The following PCA3 variants were observed in gnomAD, a reference collection of about 807,000 sequenced individuals.
PCA3 encodes Differential Display code 3.
intron 2 of PCA3, among the ~76,000 whole-genome samples, chr9:76,781,435 G>C (rs1320511202): frequency 6.6e-6 from 1 of 152,154 alleles, no homozygotes; most frequent in Non-Finnish European, 1.5e-5. Flanking sequence ...TCCCACTTCA[G>C]AGCCTTTGCA....
Position 76,777,012 on chromosome 9 carries a change from T to G in PCA3, n.853-31571T>G, listed in dbSNP as rs143661609. Among the ~76,000 whole-genome samples the G allele has an allele frequency of 3.2e-3, 485 of 151,702 alleles. 1 individual carries two copies. Among genetic ancestry groups the G allele is most frequent in the South Asian group, 5.8e-3 (28 of 4,800 alleles). The stretch of plus-strand genomic sequence containing the variant: ...CACTCCTAAACTGTTCCTCTTGGGT[T>G]GGGTTCCCACATCTGCCACTGCACC... On this transcript the variant is annotated intron_variant and non_coding_transcript_variant, in intron 2 of 5. Transcript: ENST00000644657.
rs145180066 is a variant in PCA3 at position 76,780,199 on chromosome 9, G to A, written n.853-28384G>A. Among the ~76,000 whole-genome samples the A allele has an allele frequency of 3.2e-3, 493 of 152,218 alleles. 5 individuals are homozygous for A. Among genetic ancestry groups the A allele is most frequent in the African/African-American group, 0.012 (483 of 41,528 alleles). ...TAAAACTGGTTAGCGATAGCTACAT[G>A]ACCCAATTATATTTTCTATATTTAT... On this transcript the variant is annotated intron_variant and non_coding_transcript_variant, in intron 2 of 5. Transcript: ENST00000644657.
At position 76,774,453 on chromosome 9, in the gene PCA3, T is replaced by TTTTTATTTATTTA. The variant is rs1554761597; in HGVS notation, n.853-34126_853-34125insATTTATTTATTTT. On this transcript the variant is annotated intron_variant and non_coding_transcript_variant, in intron 2 of 5. Coordinates refer to ENST00000644657, the Ensembl canonical transcript of PCA3. Reference sequence around the variant, plus strand: ...GTTCCTGGCCTCCAGTTCAACCCTTTTTTTTTTTTTTTTTTTTTTTTTTTG... The same window carrying TTTTTATTTATTTA: ...GTTCCTGGCCTCCAGTTCAACCCTTTTTTTATTTATTTATTTTTTTTTTTTTTTTTTTTTTTTG... Among the ~76,000 whole-genome samples, 3 of 122,224 alleles carry TTTTTATTTATTTA rather than the reference T, an allele frequency of 2.5e-5. 1 individual carries two copies. 80.2% of individuals were successfully genotyped at this position (122,224 alleles called of 152,430 possible).
chr9:76,775,702 A>G (rs1446416677), intron 2 of PCA3, among the ~76,000 whole-genome samples: 1 of 152,118 alleles, frequency 6.6e-6, no homozygotes, highest in Non-Finnish European at 1.5e-5. Context: ...GAACTCCTCA[A>G]ATTTTCTTGG....
chr9:76,771,831 A>G (rs1226644042), intron 2 of PCA3, among the ~76,000 whole-genome samples: 1 of 152,198 alleles, frequency 6.6e-6, no homozygotes, highest in East Asian at 1.9e-4. Flanking sequence ...AAAAGCCACC[A>G]ACCACTCAGG....
intron 2 of PCA3, among the ~76,000 whole-genome samples, chr9:76,768,961 A>AAG (rs2052774208): frequency 6.6e-6 from 1 of 152,226 alleles, no homozygotes; most frequent in African/African-American, 2.4e-5. Flanking sequence ...AAGTCAAACA[A>AAG]AGATATATAA....
chr9:76,767,459 A>AG (rs1554756393), intron 2 of PCA3, among the ~76,000 whole-genome samples: 6 of 151,832 alleles, frequency 4.0e-5, no homozygotes, highest in African/African-American at 7.3e-5. Context: ...CTCAAAAAAA[A>AG]AAAGAAAGAA....
intron 2 of PCA3, among the ~76,000 whole-genome samples, chr9:76,766,033 A>C (rs974195011): frequency 6.6e-5 from 10 of 151,914 alleles, no homozygotes; most frequent in African/African-American, 2.4e-4. Flanking sequence ...ATACAAAAAA[A>C]ATAGCCGCGC....
chr9:76,772,046 T>C (rs960637483), intron 2 of PCA3, among the ~76,000 whole-genome samples: 1 of 152,182 alleles, frequency 6.6e-6, no homozygotes, highest in Admixed American at 6.5e-5. Context: ...CCACACAAAC[T>C]ACCTTTTAAC....
chr9:76,783,738 C>T (rs2054673424), intron 2 of PCA3: 1 of 152,184 alleles, frequency 6.6e-6, no homozygotes, highest in South Asian at 2.1e-4. Context: ...ACTTTACCAT[C>T]TGAGGCCACA....
chr9:76,774,458 T>TTTATTTA (rs2053499577), intron 2 of PCA3, among the ~76,000 whole-genome samples: 2 of 33,294 alleles, frequency 6.0e-5, no homozygotes, highest in Non-Finnish European at 5.1e-5. Flanking sequence ...CCCTTTTTTT[T>TTTATTTA]TTTTTTTTTT....
At chr9:76,774,256 C>A (rs1017947149) in intron 2 of PCA3, among the ~76,000 whole-genome samples, 1 of 151,924 alleles carries the variant, frequency 6.6e-6, no homozygotes, top group Admixed American at 6.6e-5. Context: ...CCACCTGACC[C>A]CCCTGAGTAA....
intron 2 of PCA3, among the ~76,000 whole-genome samples, chr9:76,767,719 C>T (rs969565619): frequency 2.6e-5 from 4 of 152,132 alleles, no homozygotes; most frequent in Admixed American, 2.0e-4. Context: ...TCGTGCATCT[C>T]TCGTGAATCT....
intron 2 of PCA3, among the ~76,000 whole-genome samples, chr9:76,768,908 T>C (rs965257976): frequency 6.6e-6 from 1 of 152,164 alleles, no homozygotes; most frequent in Non-Finnish European, 1.5e-5. Context: ...CTGTACTTTA[T>C]AAAAAATTTA....
chr9:76,787,208 T>C (rs2055073617), intron 2 of PCA3: 1 of 152,198 alleles, frequency 6.6e-6, no homozygotes, highest in African/African-American at 2.4e-5. Flanking sequence ...TATATCAACT[T>C]TGATTCTTTG....
chr9:76,774,425 AT>A (rs928252848), intron 2 of PCA3, among the ~76,000 whole-genome samples: 17 of 142,578 alleles, frequency 1.2e-4, no homozygotes, highest in African/African-American at 4.6e-4. Context: ...GGCATGAGCC[AT>A]CGTTCCTGGC....
chr9:76,773,685 C>A (rs2053378286), intron 2 of PCA3, among the ~76,000 whole-genome samples: 1 of 152,120 alleles, frequency 6.6e-6, no homozygotes. Flanking sequence ...CTCAGGTGAT[C>A]CACCTGACTC....
rs117957060 is a variant in PCA3 at position 76,775,946 on chromosome 9, C to T, written n.853-32637C>T. Among the ~76,000 whole-genome samples, 263 of 142,874 alleles carry T rather than the reference C, an allele frequency of 1.8e-3. 1 individual carries two copies. Among genetic ancestry groups the T allele is most frequent in the Non-Finnish European group, 3.5e-3 (225 of 64,820 alleles). The allele number at this position is 142,874 out of a possible 152,430, so 93.7% of individuals were successfully genotyped here. A position where few individuals can be genotyped will look rare whatever the true frequency, so the allele number is the denominator to read the frequency against. On this transcript the variant is annotated intron_variant and non_coding_transcript_variant, in intron 2 of 5. Transcript: ENST00000644657. ...CATCCCTAAACCTAATTCCACTCTT[C>T]TCTATTTCCTTCCAAAAAATTCCAG...
chr9:76,769,712 A>G (rs974855828), intron 2 of PCA3, among the ~76,000 whole-genome samples: 1 of 152,222 alleles, frequency 6.6e-6, no homozygotes, highest in Non-Finnish European at 1.5e-5. Context: ...GGCGTGAAAC[A>G]CTTTCAATAT....
Sources: gnomAD v4.1 joint callset for allele counts (sites outside exome capture counted in the v4.1 genomes callset) on GRCh38, gnomAD v4.1.1 for gene constraint, MANE v1.5 for transcripts, NCBI Gene and HGNC (gene_info 2026-07-23, HGNC 2026-07-21) for gene names.